BAZ2B: variants seen among roughly 807,000 people sequenced by gnomAD.
BAZ2B encodes the protein bromodomain adjacent to zinc finger domain 2B, also known as bromodomain adjacent to zinc finger domain protein 2B.
BAZ2B carries 91 observed loss-of-function variants against 246.0 expected under a neutral mutation model. The observed-to-expected ratio is 0.37, with a 90% CI of 0.31 to 0.44. The LOEUF is 0.44. Among genes scored for constraint, BAZ2B ranks in the 20% least tolerant of loss-of-function variants. The pLI, the probability that BAZ2B is intolerant of heterozygous loss-of-function variation, is 1.00. For synonymous variants in BAZ2B, 855 were observed against 860.0 expected (o/e 0.99, Z 0.10); for missense variants, 2,332 against 2,533.7 (o/e 0.92, Z 1.71).
intron 13 of BAZ2B, among the ~76,000 whole-genome samples, chr2:159,424,536 G>A (rs2069408002): frequency 6.6e-6 from 1 of 152,038 alleles, no homozygotes; most frequent in Admixed American, 6.5e-5. Context: ...TTTTTGTTAT[G>A]TGTTAAGTAA....
intron 13 of BAZ2B, among the ~76,000 whole-genome samples, chr2:159,415,776 A>G (rs2067603708): frequency 6.6e-6 from 1 of 152,222 alleles, no homozygotes. Flanking sequence ...TGGGGCAAGA[A>G]GTCTATGAAT....
intron 36 of BAZ2B, among the ~76,000 whole-genome samples, chr2:159,324,387 A>C (rs2063147118): frequency 6.6e-6 from 1 of 152,130 alleles, no homozygotes; most frequent in Admixed American, 6.6e-5. Context: ...TAATCTAACA[A>C]TATTTGAGTC....
chr2:159,537,545 A>G (rs972206611), intron 2 of BAZ2B, among the ~76,000 whole-genome samples: 4 of 152,222 alleles, frequency 2.6e-5, no homozygotes, highest in African/African-American at 9.6e-5. Context: ...TTATATGTAG[A>G]GCTTCGCCTG....
intron 27 of BAZ2B, among the ~76,000 whole-genome samples, chr2:159,359,341 A>T (rs568944376): frequency 6.6e-6 from 1 of 152,250 alleles, no homozygotes; most frequent in East Asian, 1.9e-4. Flanking sequence ...CTACGCAAAT[A>T]AACTAAAAAT....
chr2:159,411,359 AAAAC>A (rs2066808244), intron 14 of BAZ2B, among the ~76,000 whole-genome samples: 1 of 152,222 alleles, frequency 6.6e-6, no homozygotes, highest in Non-Finnish European at 1.5e-5. Context: ...TTTATAATAA[AAAAC>A]AAAGCAGCAA....
At chr2:159,510,237 C>T (rs752253362) in intron 2 of BAZ2B, among the ~76,000 whole-genome samples, 2 of 152,092 alleles carry the variant, frequency 1.3e-5, no homozygotes, top group Non-Finnish European at 2.9e-5. Flanking sequence ...GGCTGGAGTG[C>T]AGTGGTGCGA....
At chr2:159,349,463 G>GT (rs893809427) in intron 28 of BAZ2B, among the ~76,000 whole-genome samples, 183 bp from the exon 29 acceptor site, 1 of 152,126 alleles carries the variant, frequency 6.6e-6, no homozygotes, top group African/African-American at 2.4e-5. Flanking sequence ...GTTTCCCAAA[G>GT]TAATTTTCCT....
the BAZ2B span, among the ~76,000 whole-genome samples, chr2:159,702,645 TA>T: frequency 0.077 from 11,665 of 152,266 alleles, 946 homozygotes; most frequent in African/African-American, 0.2. Flanking sequence ...ATTATGTTTA[TA>T]AAACTGTTAA....
At chr2:159,623,242 T>C in the BAZ2B span, among the ~76,000 whole-genome samples, 140,398 of 152,044 alleles carry the variant, frequency 0.92, 65,319 homozygotes, top group East Asian at 1. Context: ...CAGTGGTATA[T>C]ACCTGTAGTC....
At chr2:159,455,236 A>G (rs1180286195) in intron 3 of BAZ2B, among the ~76,000 whole-genome samples, 1 of 151,346 alleles carries the variant, frequency 6.6e-6, no homozygotes, top group Non-Finnish European at 1.5e-5. Context: ...GTTATCAACC[A>G]AATCTCTTCT....
At chr2:159,440,077 T>A (rs540979170) in intron 6 of BAZ2B, among the ~76,000 whole-genome samples, 1 of 152,206 alleles carries the variant, frequency 6.6e-6, no homozygotes, top group South Asian at 2.1e-4. Flanking sequence ...AATTAACTTA[T>A]AAAAGAACTC....
At chr2:159,694,871 T>C in the BAZ2B span, 25 of 152,212 alleles carry the variant, frequency 1.6e-4, no homozygotes, top group East Asian at 7.7e-4. Context: ...ATGGTAACTA[T>C]AATTAAACTT....
chr2:159,662,201 C>T, the BAZ2B span, among the ~76,000 whole-genome samples: 5 of 152,152 alleles, frequency 3.3e-5, no homozygotes, highest in Non-Finnish European at 7.3e-5. Context: ...AATAATATTC[C>T]ATTGGATAGA....
At chr2:159,662,233 G>C in the BAZ2B span, among the ~76,000 whole-genome samples, 1 of 152,146 alleles carries the variant, frequency 6.6e-6, no homozygotes, top group South Asian at 2.1e-4. Context: ...TTTGCTTATT[G>C]ATCTGTTGAT....
intron 27 of BAZ2B, among the ~76,000 whole-genome samples, chr2:159,369,882 C>G (rs968812291): frequency 1.3e-5 from 2 of 151,956 alleles, no homozygotes; most frequent in Non-Finnish European, 2.9e-5. Context: ...GGGTATATAC[C>G]CAGTAATGGG....
chr2:159,701,401 G>A, the BAZ2B span, among the ~76,000 whole-genome samples: 1 of 151,718 alleles, frequency 6.6e-6, no homozygotes, highest in Non-Finnish European at 1.5e-5. Flanking sequence ...TTTAATAGGA[G>A]TATATAGTCT....
intron 31 of BAZ2B, among the ~76,000 whole-genome samples, chr2:159,346,442 T>C (rs1481723768): frequency 6.6e-6 from 1 of 152,182 alleles, no homozygotes; most frequent in African/African-American, 2.4e-5. Context: ...CAGTGGCTCA[T>C]GCCTGTAATC....
intron 2 of BAZ2B, among the ~76,000 whole-genome samples, chr2:159,509,575 G>GT (rs1187909460): frequency 6.6e-6 from 1 of 152,098 alleles, no homozygotes; most frequent in Non-Finnish European, 1.5e-5. Flanking sequence ...ACTATACAGT[G>GT]TAACAGAATA....
At chr2:159,691,028 T>C in the BAZ2B span, among the ~76,000 whole-genome samples, 1 of 152,198 alleles carries the variant, frequency 6.6e-6, no homozygotes, top group South Asian at 2.1e-4. Context: ...TGTGTGTATA[T>C]ATACATATAC....
Sources: allele counts gnomAD v4.1 joint callset (sites outside exome capture counted in the v4.1 genomes callset), GRCh38; gene constraint gnomAD v4.1.1; transcripts MANE v1.5; gene names NCBI Gene and HGNC (gene_info 2026-07-23, HGNC 2026-07-21).